PXDNL: variants seen among roughly 807,000 people sequenced by gnomAD.
PXDNL encodes the protein probable oxidoreductase PXDNL.
In PXDNL, 145 loss-of-function variants were observed where a neutral mutation model predicts 150.8. That is an observed-to-expected ratio of 0.96 (90% CI 0.84 to 1.10). The LOEUF is 1.10. Among genes scored for constraint, PXDNL ranks in the 50% least tolerant of loss-of-function variants. The pLI is 0.00. For missense variants in PXDNL, 2,087 were observed against 1,873.9 expected (o/e 1.11, Z -2.10); for synonymous variants, 757 against 725.7 (o/e 1.04, Z -0.69).
At chr8:51,460,089 A>T (rs981945223) in intron 8 of PXDNL, among the ~76,000 whole-genome samples, 2 of 151,906 alleles carry the variant, frequency 1.3e-5, no homozygotes, top group African/African-American at 4.8e-5. Flanking sequence ...CTCTACAAAA[A>T]AAATCTAAAA....
chr8:51,706,912 T>A (rs1374452493), intron 1 of PXDNL, among the ~76,000 whole-genome samples: 1 of 149,036 alleles, frequency 6.7e-6, no homozygotes, highest in African/African-American at 2.5e-5. Context: ...GGTCTCCACA[T>A]AACTGCCCAC....
chr8:51,646,658 A>G (rs1430127231), intron 2 of PXDNL, among the ~76,000 whole-genome samples: 1 of 152,164 alleles, frequency 6.6e-6, no homozygotes, highest in African/African-American at 2.4e-5. Flanking sequence ...AGAAATGACA[A>G]CACTTCTAGG....
At chr8:51,374,486 T>A in intron 18 of PXDNL, 111 bp downstream of exon 18, 2 of 1,006,376 alleles carry the variant, frequency 2.0e-6, no homozygotes, top group Non-Finnish European at 2.9e-6. Context: ...ATATTCATTA[T>A]ACTCAATATG....
Position 51,409,316 on chromosome 8 carries a change from G to T in PXDNL, c.2308C>A (p.Pro770Thr). 1.4e-6 allele frequency: 2 copies of T among 1,426,090 alleles called. 1 individual carries two copies. Among genetic ancestry groups the T allele is most frequent in the South Asian group, 3.0e-5 (2 of 66,172 alleles). The allele number at this position is 1,426,090 out of a possible 1,614,324, so 88.3% of individuals were successfully genotyped here. A position where few individuals can be genotyped will look rare whatever the true frequency, so the allele number is the denominator to read the frequency against. The stretch of plus-strand genomic sequence containing the variant: ...GGGAGGGGCTGGCGGGAGCCCACAG[G>T]AAGGCCGAGCCCGCGGGGCGCGCGG... ...GIRAPRGLGL[P>T]VGSRQPLPPP... The change falls in exon 17 of 23, where the codon CCT (proline) becomes ACT (threonine). Residue 770 changes from proline to threonine, a missense_variant. Coordinates refer to ENST00000356297, the MANE Select transcript of PXDNL (RefSeq NM_144651.5).
chr8:51,709,618 C>T (rs906242594), intron 1 of PXDNL, among the ~76,000 whole-genome samples: 3 of 152,140 alleles, frequency 2.0e-5, no homozygotes, highest in Non-Finnish European at 4.4e-5. Context: ...AGAATGCAAA[C>T]TCATCACAGT....
chr8:51,673,423 T>C (rs1231278817), intron 1 of PXDNL, among the ~76,000 whole-genome samples: 2 of 152,216 alleles, frequency 1.3e-5, no homozygotes, highest in African/African-American at 4.8e-5. Context: ...CAAATGCTTC[T>C]TTTATAAGTT....
chr8:51,592,536 G>T (rs1321662642), intron 3 of PXDNL, 91 bp downstream of exon 3: 6 of 769,604 alleles, frequency 7.8e-6, no homozygotes, highest in Middle Eastern at 3.4e-4. Flanking sequence ...CGAAGGTAAA[G>T]AATTATTTTA....
chr8:51,347,172 T>C (rs1043102371), intron 19 of PXDNL, among the ~76,000 whole-genome samples: 1 of 152,122 alleles, frequency 6.6e-6, no homozygotes, highest in Non-Finnish European at 1.5e-5. Context: ...AATTGGAAAA[T>C]AGGCAGAGAG....
intron 15 of PXDNL, among the ~76,000 whole-genome samples, chr8:51,411,664 G>A (rs1405369820): frequency 2.0e-5 from 3 of 152,048 alleles, no homozygotes; most frequent in Non-Finnish European, 4.4e-5. Context: ...ATAGTTTTAG[G>A]AAACAACATC....
chr8:51,417,870 AT>A (rs1808838288), intron 14 of PXDNL, among the ~76,000 whole-genome samples: 1 of 152,184 alleles, frequency 6.6e-6, no homozygotes, highest in Non-Finnish European at 1.5e-5. Context: ...ATGGAAACCA[AT>A]TCATTGCCCT....
At chr8:51,436,982 A>G (rs1009105863) in intron 12 of PXDNL, among the ~76,000 whole-genome samples, 21 of 152,204 alleles carry the variant, frequency 1.4e-4, no homozygotes, top group Admixed American at 3.9e-4. Flanking sequence ...AGAGAAAAGA[A>G]CCAAATAAGC....
chr8:51,331,526 G>A (rs1805688411), intron 21 of PXDNL, among the ~76,000 whole-genome samples: 1 of 152,188 alleles, frequency 6.6e-6, no homozygotes, highest in Admixed American at 6.5e-5. Context: ...AGACATCACA[G>A]GCAGGGGAAG....
intron 17 of PXDNL, among the ~76,000 whole-genome samples, chr8:51,398,258 G>A (rs949076073): frequency 6.6e-6 from 1 of 152,190 alleles, no homozygotes; most frequent in Non-Finnish European, 1.5e-5. Context: ...GCACAGCAAG[G>A]TGCAGCTGCA....
chr8:51,799,217 A>C (rs2037593603), intron 1 of PXDNL, among the ~76,000 whole-genome samples: 1 of 152,050 alleles, frequency 6.6e-6, no homozygotes, highest in Non-Finnish European at 1.5e-5. Flanking sequence ...GAGGAGAAAA[A>C]CACACACAGG....
chr8:51,670,856 CA>C (rs1315886506), intron 1 of PXDNL, among the ~76,000 whole-genome samples: 1 of 152,116 alleles, frequency 6.6e-6, no homozygotes, highest in African/African-American at 2.4e-5. Context: ...GCAAATTTAA[CA>C]ATTATGTATA....
intron 21 of PXDNL, 132 bp downstream of exon 21, chr8:51,339,492 A>G (rs1805927260): frequency 1.1e-6 from 1 of 914,188 alleles, no homozygotes; most frequent in Non-Finnish European, 1.6e-6. Flanking sequence ...AAAAAAAGCA[A>G]TACAACTCCC....
At chr8:51,542,511 G>A (rs1308253878) in intron 4 of PXDNL, among the ~76,000 whole-genome samples, 6 of 143,652 alleles carry the variant, frequency 4.2e-5, no homozygotes, top group Admixed American at 6.9e-5. Context: ...AAAAAAAAAA[G>A]AGAGAGAGAG....
chr8:51,417,431 G>T (rs79222227), intron 14 of PXDNL, among the ~76,000 whole-genome samples: 4 of 152,140 alleles, frequency 2.6e-5, no homozygotes, highest in Non-Finnish European at 5.9e-5. Context: ...CTTAGGCCAC[G>T]TGGCCACTCA....
rs550746798 is a variant in PXDNL at position 51,636,328 on chromosome 8, A to G, written c.236+18361T>C. The stretch of plus-strand genomic sequence containing the variant: ...ATTTTCATCACTACTATTTAACGCT[A>G]TATTGGAAGTTCTAGCCAGAGCAGT... On this transcript the variant is annotated intron_variant, in intron 2 of 22. Transcript: ENST00000356297. Among the ~76,000 whole-genome samples the G allele has an allele frequency of 2.0e-3, 310 of 152,268 alleles. 2 individuals are homozygous for G. The highest frequency in any genetic ancestry group is 3.9e-3 in the Non-Finnish European group (263 of 67,974).
Sources: allele counts gnomAD v4.1 joint callset (sites outside exome capture counted in the v4.1 genomes callset), GRCh38; gene constraint gnomAD v4.1.1; transcripts MANE v1.5; gene names NCBI Gene and HGNC (gene_info 2026-07-23, HGNC 2026-07-21).